COL14A1: variants seen among roughly 807,000 people sequenced by gnomAD.
COL14A1 encodes the protein collagen alpha-1(XIV) chain.
Under a neutral mutation model 230.3 loss-of-function variants are expected in COL14A1, and 136 were observed. That is an observed-to-expected ratio of 0.59 (90% CI 0.51 to 0.68). The LOEUF (loss-of-function observed/expected upper bound fraction) is 0.68, where lower values mean the gene tolerates loss of function less well. COL14A1 is among the 30% of genes least tolerant of loss of function. COL14A1 has a pLI of 0.00. For missense variants in COL14A1, 1,976 were observed against 2,215.8 expected, an observed-to-expected ratio of 0.89 and a Z score of 2.17; for synonymous variants, 792 against 784.1, an observed-to-expected ratio of 1.01 and a Z score of -0.17.
intron 23 of COL14A1, among the ~76,000 whole-genome samples, 196 bp downstream of exon 23, chr8:120,255,552 T>G (rs1407501256): frequency 6.6e-6 from 1 of 152,188 alleles, no homozygotes; most frequent in Non-Finnish European, 1.5e-5. Flanking sequence ...AAACCTCCCT[T>G]TTTCTTATCT....
intron 45 of COL14A1, among the ~76,000 whole-genome samples, chr8:120,353,568 A>C (rs1822852799): frequency 6.6e-6 from 1 of 151,206 alleles, no homozygotes; most frequent in Non-Finnish European, 1.5e-5. Flanking sequence ...ACCCCATCAA[A>C]AAGTGGGCGA....
chr8:120,275,315 C>T (rs1819805258), intron 26 of COL14A1, among the ~76,000 whole-genome samples: 1 of 151,798 alleles, frequency 6.6e-6, no homozygotes, highest in African/African-American at 2.4e-5. Flanking sequence ...TGGATCCCTA[C>T]CTCTCACCTT....
chr8:120,168,300 A>G (rs1815979579), intron 5 of COL14A1, 53 bp downstream of exon 5: 3 of 1,275,030 alleles, frequency 2.4e-6, no homozygotes, highest in Non-Finnish European at 3.4e-6. Context: ...TTTTAATTAC[A>G]CAGGCAATAC....
At chr8:120,250,497 T>C (rs575655450) in intron 21 of COL14A1, 120 bp from the exon 22 acceptor site, 1 of 1,054,370 alleles carries the variant, frequency 9.5e-7, no homozygotes, top group Non-Finnish European at 1.4e-6. Flanking sequence ...AACCCTGCTG[T>C]CTGCTTGCTG....
At chr8:120,195,492 C>T (rs917946067) in intron 5 of COL14A1, among the ~76,000 whole-genome samples, 14 of 152,072 alleles carry the variant, frequency 9.2e-5, no homozygotes, top group Admixed American at 2.6e-4. Context: ...ATGTTGCGAT[C>T]GGTACTAAAA....
chr8:120,287,984 A>C (rs950635892), intron 33 of COL14A1, among the ~76,000 whole-genome samples: 6 of 151,478 alleles, frequency 4.0e-5, no homozygotes, highest in African/African-American at 1.2e-4. Flanking sequence ...CAAAGAAGCA[A>C]AATATCTTTG....
At chr8:120,256,456 G>T (rs1321033491) in intron 23 of COL14A1, among the ~76,000 whole-genome samples, 1 of 152,184 alleles carries the variant, frequency 6.6e-6, no homozygotes, top group Non-Finnish European at 1.5e-5. Context: ...CATACGAGAA[G>T]AAATTCCTGC....
chr8:120,203,979 CT>C, intron 9 of COL14A1, 109 bp downstream of exon 9: 1 of 1,118,180 alleles, frequency 8.9e-7, no homozygotes, highest in Non-Finnish European at 1.3e-6. Context: ...TTGAAGACCC[CT>C]TATTCCCCTA....
rs779806343 is a variant in COL14A1 at position 120,315,592 on chromosome 8, A to G, written c.4605+6A>G. On this transcript the variant is annotated splice_donor_region_variant and intron_variant, in intron 39 of 47. Transcript: ENST00000297848. ...CTGGCCTTCCAGGTCCACAGGTATT[A>G]TTTTTGTTTTTTAAGTCTATTGCTC... 1 of 1,612,236 alleles carries G rather than the reference A, an allele frequency of 6.2e-7. No individual in the cohort carries two copies. The highest frequency in any genetic ancestry group is 1.3e-5 in the African/African-American group (1 of 74,834).
intron 33 of COL14A1, 94 bp from the exon 34 acceptor site, chr8:120,289,514 T>A: frequency 8.5e-6 from 10 of 1,176,508 alleles, no homozygotes; most frequent in Non-Finnish European, 1.2e-5. Flanking sequence ...TCTCTTCTCT[T>A]TCATACTTTG....
chr8:120,370,758 T>A (rs1229318552), intron 47 of COL14A1: 1 of 1,379,662 alleles, frequency 7.2e-7, no homozygotes, highest in African/African-American at 1.5e-5. Flanking sequence ...ATCTTTCTCC[T>A]TGACCACCCT....
At position 120,135,782 on chromosome 8, in the gene COL14A1, A is replaced by G. The variant is rs149633166; in HGVS notation, c.-38+10442A>G. ...ATTTAGGCTTTCTTTCATTTCTGTCAGTAATACACTTTTATATTTTGGTAT... is the reference window on the plus strand; with the variant it reads ...ATTTAGGCTTTCTTTCATTTCTGTCGGTAATACACTTTTATATTTTGGTAT... On this transcript the variant is annotated intron_variant, in intron 1 of 47. Transcript: ENST00000297848. Among the ~76,000 whole-genome samples the G allele has an allele frequency of 6.9e-3, 1,050 of 152,100 alleles. 11 individuals are homozygous for G. The highest frequency in any genetic ancestry group is 0.013 in the Non-Finnish European group (857 of 67,996).
chr8:120,343,509 C>G (rs964723429), intron 44 of COL14A1, among the ~76,000 whole-genome samples: 2 of 151,926 alleles, frequency 1.3e-5, no homozygotes, highest in Non-Finnish European at 2.9e-5. Context: ...AAATCTCACC[C>G]TGGAGGAGGC....
intron 42 of COL14A1, among the ~76,000 whole-genome samples, chr8:120,340,106 G>C (rs928137616): frequency 8.9e-6 from 1 of 112,538 alleles, no homozygotes; most frequent in Non-Finnish European, 1.9e-5. Context: ...TTGTGAGTGA[G>C]TGAGTGTGTG....
At chr8:120,215,686 A>G (rs763116276) in intron 13 of COL14A1, among the ~76,000 whole-genome samples, 1 of 152,162 alleles carries the variant, frequency 6.6e-6, no homozygotes, top group Non-Finnish European at 1.5e-5. Context: ...AGATGGTGGC[A>G]GTGGAGGTGA....
chr8:120,143,995 T>C (rs779757446), intron 1 of COL14A1, among the ~76,000 whole-genome samples: 1 of 152,198 alleles, frequency 6.6e-6, no homozygotes, highest in Non-Finnish European at 1.5e-5. Flanking sequence ...CAGTCATACC[T>C]AGTTTTGAGT....
At chr8:120,126,536 G>A (rs571525466) in intron 1 of COL14A1, among the ~76,000 whole-genome samples, 2 of 152,232 alleles carry the variant, frequency 1.3e-5, no homozygotes, top group East Asian at 1.9e-4. Context: ...AAAGATGGGA[G>A]TAAGTCTTTG....
intron 46 of COL14A1, among the ~76,000 whole-genome samples, chr8:120,368,606 C>CAA (rs11342918): frequency 1.4e-4 from 17 of 118,504 alleles, no homozygotes; most frequent in South Asian, 2.8e-4. Flanking sequence ...GCATACAAGC[C>CAA]AAAAAAAAAA....
chr8:120,328,373 A>G (rs984506087), intron 40 of COL14A1, among the ~76,000 whole-genome samples: 3 of 150,438 alleles, frequency 2.0e-5, no homozygotes, highest in Non-Finnish European at 4.4e-5. Context: ...GGCACAAGCC[A>G]CCAGGCAGAG....
Sources: gnomAD v4.1 joint callset for allele counts (sites outside exome capture counted in the v4.1 genomes callset) on GRCh38, gnomAD v4.1.1 for gene constraint, MANE v1.5 for transcripts, NCBI Gene and HGNC (gene_info 2026-07-23, HGNC 2026-07-21) for gene names.